Variants in GRM5 observed in about 807,000 individuals in gnomAD.
GRM5 encodes glutamate metabotropic receptor 5, also known as metabotropic glutamate receptor 5.
In GRM5, 19 loss-of-function variants were observed where a neutral mutation model predicts 83.1. That is an observed-to-expected ratio of 0.23 (90% CI 0.16 to 0.34). The LOEUF (loss-of-function observed/expected upper bound fraction) is 0.34, where lower values mean the gene tolerates loss of function less well. Among genes scored for constraint, GRM5 ranks in the 10% least tolerant of loss-of-function variants. The pLI is 1.00. For missense variants in GRM5, 1,160 were observed against 1,588.3 expected, an observed-to-expected ratio of 0.73 and a Z score of 4.58; for synonymous variants, 675 against 633.6, an observed-to-expected ratio of 1.07 and a Z score of -0.98.
chr11:88,835,500 T>A (rs1944078591), intron 3 of GRM5, among the ~76,000 whole-genome samples: 2 of 152,184 alleles, frequency 1.3e-5, no homozygotes, highest in Non-Finnish European at 2.9e-5. Flanking sequence ...CCTCTGAGTA[T>A]CATAGGAAGT....
intron 2 of GRM5, among the ~76,000 whole-genome samples, chr11:88,910,130 G>A (rs968083293): frequency 1.3e-5 from 2 of 151,806 alleles, no homozygotes; most frequent in Non-Finnish European, 2.9e-5. Context: ...CTCCATCAAC[G>A]TATCTATTCC....
At chr11:88,773,921 T>TC (rs1467665578) in intron 3 of GRM5, among the ~76,000 whole-genome samples, 1 of 152,176 alleles carries the variant, frequency 6.6e-6, no homozygotes, top group Admixed American at 6.6e-5. Context: ...CTTAGTATTA[T>TC]CTTGGCAATG....
intron 8 of GRM5, among the ~76,000 whole-genome samples, chr11:88,558,663 G>A (rs1942682089): frequency 6.6e-6 from 1 of 151,700 alleles, no homozygotes; most frequent in Non-Finnish European, 1.5e-5. Flanking sequence ...TTAGCTGGGT[G>A]TGGTGGTGCG....
chr11:88,782,964 C>G (rs1391540756), intron 3 of GRM5, among the ~76,000 whole-genome samples: 3 of 152,062 alleles, frequency 2.0e-5, no homozygotes, highest in African/African-American at 7.2e-5. Context: ...TTCCTTCTGA[C>G]AGATGACAAT....
intron 5 of GRM5, among the ~76,000 whole-genome samples, chr11:88,598,652 G>A (rs1937888667): frequency 1.3e-5 from 2 of 152,082 alleles, no homozygotes; most frequent in South Asian, 4.1e-4. Flanking sequence ...AGAGCACAGA[G>A]CACTGAGGTA....
At chr11:88,777,979 T>A (rs575878519) in intron 3 of GRM5, among the ~76,000 whole-genome samples, 1 of 152,060 alleles carries the variant, frequency 6.6e-6, no homozygotes, top group Non-Finnish European at 1.5e-5. Context: ...AGAACACCGC[T>A]CTCTTCAGAG....
At chr11:88,618,145 C>T (rs943093008) in intron 4 of GRM5, among the ~76,000 whole-genome samples, 11 of 152,072 alleles carry the variant, frequency 7.2e-5, no homozygotes, top group African/African-American at 1.9e-4. Flanking sequence ...CAGTTGGAGG[C>T]GCAGCCTAAG....
At chr11:88,673,555 G>A (rs958677202) in intron 3 of GRM5, among the ~76,000 whole-genome samples, 2 of 151,836 alleles carry the variant, frequency 1.3e-5, no homozygotes, top group African/African-American at 4.8e-5. Flanking sequence ...ATCTATATTT[G>A]GTAGAACTGG....
chr11:88,967,261 A>C (rs1591004564), intron 2 of GRM5, among the ~76,000 whole-genome samples: 1 of 30,042 alleles, frequency 3.3e-5, no homozygotes, highest in African/African-American at 1.6e-4. Flanking sequence ...ATATATATAT[A>C]TATATATATA....
chr11:88,796,789 C>A (rs1590863169), intron 3 of GRM5, among the ~76,000 whole-genome samples: 1 of 151,846 alleles, frequency 6.6e-6, no homozygotes, highest in Non-Finnish European at 1.5e-5. Context: ...AAGTTGACTT[C>A]TGTGAAGATC....
At chr11:88,839,920 T>A (rs1031243557) in intron 3 of GRM5, among the ~76,000 whole-genome samples, 40 of 152,156 alleles carry the variant, frequency 2.6e-4, no homozygotes, top group Non-Finnish European at 4.9e-4. Flanking sequence ...AAGAAAATCA[T>A]AGGGAAGAAA....
At chr11:88,561,282 A>G (rs1942748467) in intron 8 of GRM5, among the ~76,000 whole-genome samples, 1 of 152,204 alleles carries the variant, frequency 6.6e-6, no homozygotes, top group Non-Finnish European at 1.5e-5. Context: ...GACAATGCTA[A>G]TTAAAGCAAA....
At chr11:88,744,518 C>T (rs964989608) in intron 3 of GRM5, among the ~76,000 whole-genome samples, 1 of 152,142 alleles carries the variant, frequency 6.6e-6, no homozygotes, top group African/African-American at 2.4e-5. Context: ...TATCGAGCAC[C>T]TATGGTATGA....
chr11:88,514,366 A>AT (rs1053083972), intron 9 of GRM5, among the ~76,000 whole-genome samples: 2 of 151,950 alleles, frequency 1.3e-5, no homozygotes, highest in African/African-American at 4.8e-5. Context: ...TCAGAGGTTT[A>AT]TTTTTCCTGT....
rs945791615 is a variant in GRM5 at position 88,646,572 on chromosome 11, T to G, written c.1147+6596A>C. ...CTTTATTTATACAACAGCATTAGGA[T>G]TTCAGAAGTAGCAACAACTAAGAAT... On this transcript the variant is annotated intron_variant, in intron 4 of 9. Coordinates refer to ENST00000305447, the MANE Select transcript of GRM5 (RefSeq NM_001143831.3). Among the ~76,000 whole-genome samples the G allele has an allele frequency of 2.1e-5, 3 of 146,298 alleles. No individual in the cohort carries two copies. In the East Asian group the frequency reaches 6.1e-4, roughly 30 times the overall value.
At chr11:88,971,995 G>C (rs748898109) in intron 2 of GRM5, among the ~76,000 whole-genome samples, 1 of 152,000 alleles carries the variant, frequency 6.6e-6, no homozygotes, top group African/African-American at 2.4e-5. Flanking sequence ...TCAAGTCTGG[G>C]ACAAATTCAA....
intron 3 of GRM5, among the ~76,000 whole-genome samples, chr11:88,822,508 A>G (rs1943816845): frequency 6.6e-6 from 1 of 152,218 alleles, no homozygotes; most frequent in African/African-American, 2.4e-5. Context: ...TAAAACTGTA[A>G]GAAGATCATT....
intron 2 of GRM5, among the ~76,000 whole-genome samples, chr11:89,046,468 C>T (rs12224528): frequency 0.076 from 11,505 of 151,934 alleles, 934 homozygotes; most frequent in African/African-American, 0.2. Flanking sequence ...TCCAAACAGC[C>T]ATGGTCAAGA....
At chr11:88,842,674 G>A (rs1944223955) in intron 3 of GRM5, among the ~76,000 whole-genome samples, 4 of 152,054 alleles carry the variant, frequency 2.6e-5, no homozygotes, top group African/African-American at 9.7e-5. Flanking sequence ...GCCTGTTCCT[G>A]TCTCCAATTT....
Sources: allele counts gnomAD v4.1 joint callset (sites outside exome capture counted in the v4.1 genomes callset), GRCh38; gene constraint gnomAD v4.1.1; transcripts MANE v1.5; gene names NCBI Gene and HGNC (gene_info 2026-07-23, HGNC 2026-07-21).